The following RIPK1 variants were observed in gnomAD, a reference collection of about 807,000 sequenced individuals.
RIPK1 encodes the protein receptor-interacting serine/threonine-protein kinase 1.
A neutral mutation model predicts 62.4 loss-of-function variants in RIPK1; 27 were observed. That is an observed-to-expected ratio of 0.43 (90% CI 0.32 to 0.60). The LOEUF (loss-of-function observed/expected upper bound fraction) is 0.60, where lower values mean the gene tolerates loss of function less well. Ranked by LOEUF, RIPK1 falls within the 20% of genes least tolerant of loss-of-function variation. RIPK1 has a pLI of 0.07. For synonymous variants in RIPK1, 287 were observed against 303.2 expected, an observed-to-expected ratio of 0.95 and a Z score of 0.55; for missense variants, 735 against 831.0, an observed-to-expected ratio of 0.88 and a Z score of 1.42.
At chr6:3,096,442 G>A (rs1262985813) in intron 7 of RIPK1, among the ~76,000 whole-genome samples, 3 of 151,450 alleles carry the variant, frequency 2.0e-5, no homozygotes, top group Non-Finnish European at 4.4e-5. Flanking sequence ...CAAAGTAAGT[G>A]AAGAAATATA....
rs910097529 is a variant in RIPK1, at chr6:3,113,189, T to G, written c.1866T>G (p.Asp622Glu). 6.2e-7 allele frequency: 1 copy of G among 1,613,850 alleles called. No homozygotes were observed. The highest frequency in any genetic ancestry group is 8.5e-7 in the Non-Finnish European group (1 of 1,179,958). ...AAATTGACCATGACTATGAGCGAGA[T>G]GGACTGAAAGAAAAGGTTTACCAGA... is the stretch of plus-strand genomic sequence containing the variant. ...IDEIDHDYER[D>E]GLKEKVYQML... The change falls in exon 11 of 11, where the codon GAT (aspartate) becomes GAG (glutamate). Residue 622 changes from aspartate (D) to glutamate (E), a missense_variant. Around this residue, in one of 2 missense-constraint regions of RIPK1, gnomAD observed 64 missense variants for 104.8 expected, o/e 0.61. Transcript: ENST00000259808. The surrounding 1 kb of genome is among the most constrained non-coding windows in gnomAD (Gnocchi z 5.0).
At chr6:3,069,012 C>G (rs981010141) in intron 1 of RIPK1, 1 of 152,206 alleles carries the variant, frequency 6.6e-6, no homozygotes, top group African/African-American at 2.4e-5. Context: ...CAGGGGTGCT[C>G]CGCTAGGTGT....
Position 3,104,214 on chromosome 6 carries a change from C to T in RIPK1, c.916-11C>T, listed in dbSNP as rs776886079. 3.7e-6 allele frequency: 5 copies of T among 1,369,244 alleles called. No homozygotes were observed. Among genetic ancestry groups the T allele is most frequent in the Admixed American group, 1.8e-5 (1 of 56,154 alleles). The allele number at this position is 1,369,244 out of a possible 1,614,324, so 84.8% of individuals were successfully genotyped here. ...GTTCACTAAAGTGTGTATTTATGCT[C>T]TTAATTATAGAAAGAGTATTCAAAC... On this transcript the variant is annotated splice_polypyrimidine_tract_variant and intron_variant, in intron 7 of 10. Transcript: ENST00000259808.
chr6:3,068,299 T>G, upstream of RIPK1: 1 of 985,500 alleles, frequency 1.0e-6, no homozygotes, highest in Non-Finnish European at 1.2e-6. Context: ...CTCCCTCTCG[T>G]GCGCGCGGAG....
At chr6:3,109,665 T>G (rs1761052011) in intron 9 of RIPK1, among the ~76,000 whole-genome samples, 1 of 152,192 alleles carries the variant, frequency 6.6e-6, no homozygotes, top group South Asian at 2.1e-4. Flanking sequence ...AATTTACCAT[T>G]TCAACCATTT....
At chr6:3,094,016 C>A (rs76614374) in intron 7 of RIPK1, among the ~76,000 whole-genome samples, 4,075 of 92,546 alleles carry the variant, frequency 0.044, 462 homozygotes, top group African/African-American at 0.29. Flanking sequence ...GTAACTGCAG[C>A]GCGCCTACCT....
chr6:3,084,704 CT>C (rs1454335136), intron 5 of RIPK1, among the ~76,000 whole-genome samples: 1 of 151,030 alleles, frequency 6.6e-6, no homozygotes. Context: ...AGCAATTCTT[CT>C]GCCTCAGCCT....
intron 7 of RIPK1, among the ~76,000 whole-genome samples, chr6:3,100,432 A>G (rs2113676644): frequency 6.6e-6 from 1 of 152,092 alleles, no homozygotes; most frequent in Middle Eastern, 3.4e-3. Context: ...TCAAATATAT[A>G]TATATTTCTG....
At chr6:3,069,210 T>A (rs71552149) in intron 1 of RIPK1, among the ~76,000 whole-genome samples, 23,525 of 152,148 alleles carry the variant, frequency 0.15, 1,934 homozygotes, top group South Asian at 0.18. Flanking sequence ...GAAAAAACAG[T>A]TTGGGCTCTT....
chr6:3,099,301 T>C (rs770955306), intron 7 of RIPK1, among the ~76,000 whole-genome samples: 2 of 152,048 alleles, frequency 1.3e-5, no homozygotes, highest in South Asian at 2.1e-4. Flanking sequence ...TCCCAGCACT[T>C]TGGGAGGCCG....
intron 1 of RIPK1, among the ~76,000 whole-genome samples, 195 bp from the exon 2 acceptor site, chr6:3,076,569 C>T (rs1293767421): frequency 1.3e-5 from 2 of 151,524 alleles, no homozygotes; most frequent in Non-Finnish European, 2.9e-5. Context: ...GTCCCAGCTA[C>T]TCAAGGAGGC....
chr6:3,067,341 C>T (rs1031830094), upstream of RIPK1, among the ~76,000 whole-genome samples: 1 of 152,126 alleles, frequency 6.6e-6, no homozygotes, highest in African/African-American at 2.4e-5. Context: ...CAGACTCTAA[C>T]ATTAGGCATT....
intron 5 of RIPK1, among the ~76,000 whole-genome samples, chr6:3,084,855 G>C (rs2113615382): frequency 6.6e-6 from 1 of 152,118 alleles, no homozygotes; most frequent in Admixed American, 6.6e-5. Context: ...ACCTCCCAAA[G>C]TGCTGGGATT....
intron 4 of RIPK1, among the ~76,000 whole-genome samples, chr6:3,081,860 T>TAA (rs58330257): frequency 8.8e-5 from 2 of 22,852 alleles, no homozygotes; most frequent in Non-Finnish European, 9.4e-5. Flanking sequence ...AACTCTGCCT[T>TAA]AAAAAAAAAA....
chr6:3,068,560 C>G lies in RIPK1; in HGVS notation c.-162C>G. The G allele has an allele frequency of 2.0e-6, 2 of 985,314 alleles. No homozygotes were observed. The highest frequency in any genetic ancestry group is 2.4e-6 in the Non-Finnish European group (2 of 829,914). 61.0% of individuals were successfully genotyped at this position (985,314 alleles called of 1,614,324 possible). A position where few individuals can be genotyped will look rare whatever the true frequency, so the allele number is the denominator to read the frequency against. On this transcript the variant is annotated 5_prime_UTR_variant, in exon 1 of 11. Coordinates refer to ENST00000259808, the MANE Select transcript of RIPK1 (RefSeq NM_001354930.2). ...GGCCAGCTGCCGGAGCGCGGCGACT[C>G]CAGGGGACCCACAGCTGGGGCGCCA...
intron 6 of RIPK1, among the ~76,000 whole-genome samples, chr6:3,088,295 A>T (rs17513396): frequency 2.0e-3 from 297 of 152,266 alleles, no homozygotes; most frequent in African/African-American, 6.8e-3. Context: ...ACTGCTGATC[A>T]GGGGTGGGAA....
At chr6:3,107,555 A>ACT (rs377247480) in intron 9 of RIPK1, among the ~76,000 whole-genome samples, 9,964 of 135,620 alleles carry the variant, frequency 0.073, 1,379 homozygotes, top group African/African-American at 0.27. Flanking sequence ...ACAGAGCGAG[A>ACT]CTGTCGCAAA....
In RIPK1 at chr6:3,113,963, C is replaced by CT. The variant is rs1173409598; in HGVS notation, c.*625dup. On this transcript the variant is annotated 3_prime_UTR_variant, in exon 11 of 11. Coordinates refer to ENST00000259808, the MANE Select transcript of RIPK1 (RefSeq NM_001354930.2). This position sits in a 1 kb window ranked among gnomAD's most constrained non-coding sequence, Gnocchi z 5.0. ...TCCGTTAACGTTAATACCCAATACT[C>CT]TGTCAGCCACTGTAGGCTCTAAGAA... The CT allele has an allele frequency of 2.0e-5, 3 of 152,270 alleles. No individual in the cohort carries two copies. The highest frequency in any genetic ancestry group is 1.9e-4 in the East Asian group (1 of 5,202). 9.4% of individuals were successfully genotyped at this position (152,270 alleles called of 1,614,324 possible). A position where few individuals can be genotyped will look rare whatever the true frequency, so the allele number is the denominator to read the frequency against.
At position 3,114,207 on chromosome 6, in the gene RIPK1, T is replaced by G. The variant is rs1287945002; in HGVS notation, c.*868T>G. 2.0e-5 allele frequency: 3 copies of G among 152,230 alleles called. No homozygotes were observed. The East Asian group carries it at 5.8e-4, about 29-fold the overall frequency. 9.4% of individuals were successfully genotyped at this position (152,230 alleles called of 1,614,324 possible). A position where few individuals can be genotyped will look rare whatever the true frequency, so the allele number is the denominator to read the frequency against. On this transcript the variant is annotated 3_prime_UTR_variant, in exon 11 of 11. Transcript: ENST00000259808. This position sits in a 1 kb window ranked among gnomAD's most constrained non-coding sequence, Gnocchi z 5.0. Reference sequence around the variant, plus strand: ...GTTATTTCCTGGCATTCTGGTACCTTCACCCAGCCTGAGTGCCCTGGAGAG... The same window carrying G: ...GTTATTTCCTGGCATTCTGGTACCTGCACCCAGCCTGAGTGCCCTGGAGAG...
Sources: gnomAD v4.1 joint callset for allele counts (sites outside exome capture counted in the v4.1 genomes callset) on GRCh38, gnomAD v4.1.1 for gene constraint, gnomAD v4.1.1 regional missense constraint, Gnocchi (gnomAD v3.1) non-coding constraint, MANE v1.5 for transcripts, NCBI Gene and HGNC (gene_info 2026-07-23, HGNC 2026-07-21) for gene names.